AMMECR1: variants seen among roughly 807,000 people sequenced by gnomAD.
The protein encoded by AMMECR1 is AMMECR nuclear protein 1.
AMMECR1 carries 3 observed loss-of-function variants against 22.5 expected under a neutral mutation model. The ratio of observed to expected loss-of-function variants is 0.13; its 90% confidence interval spans 0.06 to 0.35. AMMECR1 has a LOEUF of 0.35. AMMECR1 is among the 10% of genes least tolerant of loss of function. The pLI, the probability that AMMECR1 is intolerant of heterozygous loss-of-function variation, is 1.00. For synonymous variants in AMMECR1, 130 were observed against 116.7 expected (o/e 1.11, Z -0.74); for missense variants, 235 against 278.7 (o/e 0.84, Z 1.12).
chrX:110,320,980 G>A (rs1274621979), upstream of AMMECR1, among the ~76,000 whole-genome samples: 1 of 111,818 alleles, frequency 8.9e-6, no homozygotes, highest in African/African-American at 3.3e-5. Context: ...TTTATAAATC[G>A]CTTGGCAAGT....
At chrX:110,313,798 A>C (rs953971640) in intron 1 of AMMECR1, among the ~76,000 whole-genome samples, 3 of 111,743 alleles carry the variant, frequency 2.7e-5, no homozygotes, top group African/African-American at 9.8e-5. Context: ...GGCAGCACTC[A>C]ATCTCCTGGG....
chrX:110,348,497 A>G (rs2068199243), intron 2 of AMMECR1, among the ~76,000 whole-genome samples: 1 of 112,372 alleles, frequency 8.9e-6, no homozygotes, highest in South Asian at 3.7e-4. Flanking sequence ...ATTGTTAAAC[A>G]CAGGCTTTGA....
chrX:110,388,040 T>C (rs763336414), intron 2 of AMMECR1, among the ~76,000 whole-genome samples: 142 of 110,244 alleles, frequency 1.3e-3, no homozygotes, highest in African/African-American at 4.4e-3. Context: ...TTTCTTTTTT[T>C]GTATTTTTAG....
At chrX:110,395,035 C>T (rs1347811391) in intron 2 of AMMECR1, among the ~76,000 whole-genome samples, 1 of 112,749 alleles carries the variant, frequency 8.9e-6, no homozygotes, top group Admixed American at 9.3e-5. Flanking sequence ...AGCTTCAGGG[C>T]TGCTTCTAGA....
intron 3 of AMMECR1, among the ~76,000 whole-genome samples, chrX:110,210,682 G>A (rs1478726515): frequency 8.9e-6 from 1 of 112,126 alleles, no homozygotes; most frequent in Non-Finnish European, 1.9e-5. Flanking sequence ...CTCTCACGAA[G>A]GTTGTTACAA....
chrX:110,427,194 C>G (rs973046119), intron 1 of AMMECR1, among the ~76,000 whole-genome samples: 5 of 111,875 alleles, frequency 4.5e-5, no homozygotes, highest in Admixed American at 2.8e-4. Context: ...GTTTTCTCAC[C>G]TTCTCTCCTT....
intron 1 of AMMECR1, among the ~76,000 whole-genome samples, chrX:110,299,173 T>TA (rs922094958): frequency 1.4e-4 from 16 of 111,937 alleles, no homozygotes. Flanking sequence ...CAAAAAGTGA[T>TA]ACAAAATTTT....
intron 1 of AMMECR1, among the ~76,000 whole-genome samples, chrX:110,433,688 G>C (rs979454987): frequency 9.0e-6 from 1 of 111,655 alleles, no homozygotes; most frequent in Non-Finnish European, 1.9e-5. Flanking sequence ...CATGAAAAGA[G>C]CTTAGGACAG....
At chrX:110,257,756 G>A (rs187600520) in intron 2 of AMMECR1, among the ~76,000 whole-genome samples, 3 of 111,259 alleles carry the variant, frequency 2.7e-5, no homozygotes, top group Non-Finnish European at 3.8e-5. Flanking sequence ...CCAGTATCAC[G>A]TCCTCTGCTT....
At chrX:110,439,699 C>G (rs761543600) in intron 1 of AMMECR1, among the ~76,000 whole-genome samples, 1 of 111,268 alleles carries the variant, frequency 9.0e-6, no homozygotes, top group South Asian at 3.9e-4. Context: ...TGGGAAAGAA[C>G]GAACAGGCAT....
intron 2 of AMMECR1, among the ~76,000 whole-genome samples, chrX:110,217,251 A>C (rs756617158): frequency 9.1e-6 from 1 of 109,492 alleles, no homozygotes; most frequent in African/African-American, 3.3e-5. Context: ...AAAAATACTC[A>C]TAAGAATTTC....
At chrX:110,377,483 A>T (rs2148269956) in intron 2 of AMMECR1, among the ~76,000 whole-genome samples, 1 of 111,882 alleles carries the variant, frequency 8.9e-6, no homozygotes, top group Non-Finnish European at 1.9e-5. Context: ...TTTTCTTTTA[A>T]TAATAAAAAG....
At chrX:110,200,893 G>T in intron 5 of AMMECR1, 61 bp downstream of exon 5, 1 of 829,131 alleles carries the variant, frequency 1.2e-6, no homozygotes, top group Non-Finnish European at 1.8e-6. Context: ...AAATCAAAGG[G>T]TTATAGGCAT....
At chrX:110,203,195 T>C (rs1354305593) in intron 3 of AMMECR1, among the ~76,000 whole-genome samples, 1 of 111,923 alleles carries the variant, frequency 8.9e-6, no homozygotes, top group Non-Finnish European at 1.9e-5. Flanking sequence ...CTCTACTAAA[T>C]TTAAGAATAA....
At chrX:110,231,078 G>A (rs2067563020) in intron 2 of AMMECR1, among the ~76,000 whole-genome samples, 1 of 112,268 alleles carries the variant, frequency 8.9e-6, no homozygotes, top group African/African-American at 3.2e-5. Flanking sequence ...GTGATGGGGA[G>A]AATGGAACCA....
chrX:110,354,663 T>C (rs1368461583), intron 2 of AMMECR1, among the ~76,000 whole-genome samples: 1 of 111,697 alleles, frequency 9.0e-6, no homozygotes, highest in Non-Finnish European at 1.9e-5. Flanking sequence ...TATTGACCAA[T>C]GGAACATGAC....
chrX:110,422,159 G>T (rs2068721805), intron 2 of AMMECR1, among the ~76,000 whole-genome samples: 1 of 112,896 alleles, frequency 8.9e-6, no homozygotes, highest in Admixed American at 9.3e-5. Context: ...GGTAGCTGTT[G>T]TCTCTTTTTC....
At chrX:110,301,365 C>T (rs2067966146) in intron 1 of AMMECR1, among the ~76,000 whole-genome samples, 1 of 112,617 alleles carries the variant, frequency 8.9e-6, no homozygotes, top group African/African-American at 3.2e-5. Flanking sequence ...TCACTTCCTG[C>T]TTGCACAGGG....
At position 110,216,501 on chromosome X, in the gene AMMECR1, T is replaced by A. The variant is rs772849570; in HGVS notation, c.699+17A>T. ...AGTTACCTTCATTTTTCTTTAAAAA[T>A]TTTTCTATAATCTTACCTCCCAGTC... On this transcript the variant is annotated intron_variant, in intron 3 of 5. Coordinates refer to ENST00000262844, the MANE Select transcript of AMMECR1 (RefSeq NM_015365.3). 3.3e-5 allele frequency: 38 copies of A among 1,143,181 alleles called. No individual in the cohort carries two copies. The highest frequency in any genetic ancestry group is 1.8e-5 in the African/African-American group (1 of 55,306). 94.2% of individuals were successfully genotyped at this position (1,143,181 alleles called of 1,213,427 possible).
Sources: allele counts gnomAD v4.1 joint callset (sites outside exome capture counted in the v4.1 genomes callset), GRCh38; gene constraint gnomAD v4.1.1; transcripts MANE v1.5; gene names NCBI Gene and HGNC (gene_info 2026-07-23, HGNC 2026-07-21).